ZNF704: variants seen among roughly 807,000 people sequenced by gnomAD.
ZNF704 encodes the protein glucocorticoid induced gene 1.
ZNF704 carries 10 observed loss-of-function variants against 44.7 expected under a neutral mutation model. The observed-to-expected ratio is 0.22, with a 90% CI of 0.14 to 0.38. The LOEUF is 0.38. ZNF704 is among the 10% of genes least tolerant of loss of function. The pLI, the probability that ZNF704 is intolerant of heterozygous loss-of-function variation, is 1.00. For missense variants in ZNF704, 390 were observed against 545.5 expected (o/e 0.71, Z 2.84); for synonymous variants, 211 against 207.6 (o/e 1.02, Z -0.14).
intron 2 of ZNF704, among the ~76,000 whole-genome samples, chr8:80,715,863 T>C (rs2131664541): frequency 6.6e-6 from 1 of 152,234 alleles, no homozygotes; most frequent in Admixed American, 6.5e-5. Context: ...GTGGATCACC[T>C]GAGGTCAGGA....
chr8:80,751,419 T>C (rs887552589), intron 2 of ZNF704, among the ~76,000 whole-genome samples: 1 of 152,208 alleles, frequency 6.6e-6, no homozygotes, highest in African/African-American at 2.4e-5. Context: ...CGGAACAATG[T>C]TTAATTTTCA....
chr8:80,684,529 T>C (rs1818503289), intron 4 of ZNF704, among the ~76,000 whole-genome samples: 1 of 152,148 alleles, frequency 6.6e-6, no homozygotes, highest in Non-Finnish European at 1.5e-5. Flanking sequence ...ATGGGTACTA[T>C]GAAACTGAGG....
chr8:80,686,814 C>T lies in ZNF704; in HGVS notation c.558+412G>A, dbSNP rs575951123. Among the ~76,000 whole-genome samples the T allele has an allele frequency of 2.6e-4, 39 of 152,174 alleles. No homozygotes were observed. The South Asian group carries it at 6.2e-3, about 24-fold the overall frequency. ...GCATAAAAATGAGATACAAAATATTCTTCCCAATAACCCTTCAGGGCTGAT... is the reference window on the plus strand; with the variant it reads ...GCATAAAAATGAGATACAAAATATTTTTCCCAATAACCCTTCAGGGCTGAT... On this transcript the variant is annotated intron_variant, in intron 4 of 8. Transcript: ENST00000327835.
At chr8:80,863,239 T>A (rs1809099598) in intron 1 of ZNF704, among the ~76,000 whole-genome samples, 1 of 152,164 alleles carries the variant, frequency 6.6e-6, no homozygotes, top group African/African-American at 2.4e-5. Context: ...TTTCAAAAAC[T>A]TGCAAAAAAT....
At chr8:80,809,136 C>T (rs1379017716) in intron 2 of ZNF704, among the ~76,000 whole-genome samples, 1 of 152,122 alleles carries the variant, frequency 6.6e-6, no homozygotes, top group Non-Finnish European at 1.5e-5. Flanking sequence ...ACTACAAACA[C>T]AAAAGTTAGC....
chr8:80,781,038 A>G (rs758147843), intron 2 of ZNF704, among the ~76,000 whole-genome samples: 15 of 152,332 alleles, frequency 9.8e-5, no homozygotes, highest in South Asian at 8.3e-4. Context: ...TTAAAACACA[A>G]TAAGTTCGGC....
chr8:80,688,191 G>A (rs1045428160), intron 3 of ZNF704, among the ~76,000 whole-genome samples: 7 of 151,512 alleles, frequency 4.6e-5, no homozygotes, highest in Admixed American at 2.6e-4. Context: ...CTGGGTGAAA[G>A]AGCGAGATCC....
intron 2 of ZNF704, among the ~76,000 whole-genome samples, chr8:80,777,703 A>C (rs1025575478): frequency 6.6e-6 from 1 of 152,002 alleles, no homozygotes; most frequent in African/African-American, 2.4e-5. Context: ...ACATGGCAAA[A>C]TCCCGTCTCT....
chr8:80,780,606 G>A (rs1807506950), intron 2 of ZNF704, among the ~76,000 whole-genome samples: 1 of 152,130 alleles, frequency 6.6e-6, no homozygotes, highest in Non-Finnish European at 1.5e-5. Context: ...CAGGTCCCAT[G>A]ACAAATGTCC....
rs73272706 is a variant in ZNF704 at position 80,869,464 on chromosome 8, A to G, written c.-22+5107T>C. On this transcript the variant is annotated intron_variant, in intron 1 of 8. Coordinates refer to ENST00000327835, the MANE Select transcript of ZNF704 (RefSeq NM_001033723.3). ...GCCATCAGAAAACTACTGTCATCTGATCATCACCCAATATAGAAAATATAC... is the reference window on the plus strand; with the variant it reads ...GCCATCAGAAAACTACTGTCATCTGGTCATCACCCAATATAGAAAATATAC... 3.8e-3 allele frequency among the ~76,000 whole-genome samples: 584 copies of G among 152,296 alleles called. 3 individuals are homozygous for G. Among genetic ancestry groups the G allele is most frequent in the African/African-American group, 0.013 (549 of 41,546 alleles).
intron 2 of ZNF704, among the ~76,000 whole-genome samples, chr8:80,702,868 C>A (rs1356295887): frequency 6.6e-6 from 1 of 152,146 alleles, no homozygotes; most frequent in East Asian, 1.9e-4. Flanking sequence ...GGGATGATGG[C>A]AGCATTGAGG....
intron 2 of ZNF704, among the ~76,000 whole-genome samples, chr8:80,760,528 C>T (rs868179511): frequency 7.9e-5 from 12 of 151,818 alleles, no homozygotes; most frequent in Middle Eastern, 3.4e-3. Context: ...TGGTGGCATA[C>T]GCCTGTAGTC....
intron 2 of ZNF704, among the ~76,000 whole-genome samples, chr8:80,787,457 T>C (rs1251494190): frequency 6.6e-6 from 1 of 152,182 alleles, no homozygotes; most frequent in East Asian, 1.9e-4. Flanking sequence ...CTTCCTATGC[T>C]AAGCTTTTAA....
At chr8:80,643,176 C>A in intron 7 of ZNF704, 47 bp from the exon 8 acceptor site, 1 of 1,447,472 alleles carries the variant, frequency 6.9e-7, no homozygotes, top group South Asian at 1.3e-5. Flanking sequence ...GTTCTCCACC[C>A]ATGCAGTTAG....
intron 2 of ZNF704, among the ~76,000 whole-genome samples, chr8:80,706,890 C>T (rs1407096903): frequency 2.6e-5 from 4 of 152,168 alleles, no homozygotes; most frequent in South Asian, 4.1e-4. Flanking sequence ...CTGTGAAGAG[C>T]GGGACAAACC....
intron 2 of ZNF704, among the ~76,000 whole-genome samples, chr8:80,731,875 G>A (rs755775284): frequency 6.6e-6 from 1 of 152,184 alleles, no homozygotes; most frequent in Non-Finnish European, 1.5e-5. Context: ...CTGATCCAAA[G>A]GTTAGTTACC....
At chr8:80,844,321 T>TA (rs1015960361) in intron 1 of ZNF704, among the ~76,000 whole-genome samples, 10 of 152,074 alleles carry the variant, frequency 6.6e-5, no homozygotes, top group African/African-American at 2.4e-4. Flanking sequence ...GGGTGTCTGG[T>TA]AAAAACCTGA....
At chr8:80,812,446 G>A (rs1370652151) in intron 2 of ZNF704, 4 of 153,626 alleles carry the variant, frequency 2.6e-5, no homozygotes, top group African/African-American at 9.7e-5. Context: ...AAGGTCGAAA[G>A]AGGTCTCCTG....
At chr8:80,828,463 A>G (rs571286659) in intron 1 of ZNF704, among the ~76,000 whole-genome samples, 1 of 152,318 alleles carries the variant, frequency 6.6e-6, no homozygotes, top group South Asian at 2.1e-4. Flanking sequence ...GGTAATCTGG[A>G]GCCTCACTAA....
Sources: gnomAD v4.1 joint callset for allele counts (sites outside exome capture counted in the v4.1 genomes callset) on GRCh38, gnomAD v4.1.1 for gene constraint, MANE v1.5 for transcripts, NCBI Gene and HGNC (gene_info 2026-07-23, HGNC 2026-07-21) for gene names.